The following LAMA2 variants were observed in gnomAD, a reference collection of about 807,000 sequenced individuals.
LAMA2 encodes the protein laminin subunit alpha 2, also known as laminin subunit alpha-2.
LAMA2 carries 269 observed loss-of-function variants against 364.8 expected under a neutral mutation model. The ratio of observed to expected loss-of-function variants is 0.74; its 90% CI spans 0.67 to 0.82. The LOEUF (loss-of-function observed/expected upper bound fraction) is 0.82, where lower values mean the gene tolerates loss of function less well. LAMA2 is among the 40% of genes least tolerant of loss of function. LAMA2 has a pLI of 0.00. For missense variants in LAMA2, 3,807 were observed against 3,873.2 expected (o/e 0.98, Z 0.45); for synonymous variants, 1,379 against 1,370.6 (o/e 1.01, Z -0.14).
intron 30 of LAMA2, among the ~76,000 whole-genome samples, chr6:129,348,877 A>G (rs1168996863): frequency 6.6e-6 from 1 of 152,196 alleles, no homozygotes; most frequent in Admixed American, 6.5e-5. Flanking sequence ...AAAAAAATTT[A>G]TATAGATTTT....
At chr6:129,185,442 G>C (rs199976097) in intron 10 of LAMA2, among the ~76,000 whole-genome samples, 1 of 151,804 alleles carries the variant, frequency 6.6e-6, no homozygotes, top group Non-Finnish European at 1.5e-5. Context: ...AGAAAAAAAA[G>C]ACAGCCATGA....
chr6:129,357,528 A>G (rs1777215792), intron 32 of LAMA2, among the ~76,000 whole-genome samples: 1 of 152,028 alleles, frequency 6.6e-6, no homozygotes, highest in Admixed American at 6.6e-5. Context: ...TTAAAATAAA[A>G]CATACACTTT....
In LAMA2 at chr6:129,401,354, A is replaced by T; in HGVS notation, c.5562+14A>T. 3 of 1,462,388 alleles carry T rather than the reference A, an allele frequency of 2.1e-6. No individual in the cohort carries two copies. Among genetic ancestry groups the T allele is most frequent in the Non-Finnish European group, 2.9e-6 (3 of 1,042,626 alleles). The allele number at this position is 1,462,388 out of a possible 1,614,324, so 90.6% of individuals were successfully genotyped here. A position where few individuals can be genotyped will look rare whatever the true frequency, so the allele number is the denominator to read the frequency against. On this transcript the variant is annotated intron_variant, in intron 38 of 64. Transcript: ENST00000421865. Reference sequence around the variant, plus strand: ...TCCATCATAGACGTGAGTATTGGGTAAAACTCAAAAGAGAGATGATAATGA... The same window carrying T: ...TCCATCATAGACGTGAGTATTGGGTTAAACTCAAAAGAGAGATGATAATGA...
intron 1 of LAMA2, among the ~76,000 whole-genome samples, chr6:128,896,598 T>G (rs545754884): frequency 6.6e-6 from 1 of 152,324 alleles, no homozygotes; most frequent in Non-Finnish European, 1.5e-5. Context: ...AAAATATTTT[T>G]CATTCAACTT....
chr6:129,307,263 A>C (rs1773933542), intron 22 of LAMA2, among the ~76,000 whole-genome samples: 1 of 152,172 alleles, frequency 6.6e-6, no homozygotes, highest in South Asian at 2.1e-4. Context: ...TGTTGAAAAT[A>C]TGGCTTATTC....
intron 61 of LAMA2, 133 bp from the exon 62 acceptor site, chr6:129,507,356 G>C (rs1786173693): frequency 2.2e-6 from 2 of 914,670 alleles, no homozygotes; most frequent in African/African-American, 1.6e-5. Context: ...AACCCAGGCA[G>C]CTTTGGGGGA....
intron 12 of LAMA2, among the ~76,000 whole-genome samples, chr6:129,207,346 C>T (rs1227079372): frequency 1.3e-5 from 2 of 150,588 alleles, no homozygotes; most frequent in Non-Finnish European, 3.0e-5. Flanking sequence ...ATTTCTCATT[C>T]TTGTGAGTAA....
chr6:129,196,923 A>T (rs1364580012), intron 12 of LAMA2, among the ~76,000 whole-genome samples: 1 of 152,176 alleles, frequency 6.6e-6, no homozygotes, highest in Non-Finnish European at 1.5e-5. Context: ...GGCCAAGGGA[A>T]TCCCAAAGAA....
intron 47 of LAMA2, among the ~76,000 whole-genome samples, chr6:129,454,607 T>C (rs1782861725): frequency 6.6e-6 from 1 of 152,160 alleles, no homozygotes; most frequent in Non-Finnish European, 1.5e-5. Flanking sequence ...TCTTATGCAA[T>C]ACAAGCCAAA....
chr6:128,974,131 T>C (rs142188007), intron 1 of LAMA2, among the ~76,000 whole-genome samples: 266 of 152,340 alleles, frequency 1.7e-3, no homozygotes, highest in African/African-American at 6.1e-3. Flanking sequence ...GTATGCTAGT[T>C]GGCCTTAGAG....
At chr6:129,477,609 G>A (rs1316935320) in intron 53 of LAMA2, among the ~76,000 whole-genome samples, 5 of 152,066 alleles carry the variant, frequency 3.3e-5, no homozygotes, top group African/African-American at 9.7e-5. Context: ...ATTTTATGAA[G>A]TAGTATGCAA....
chr6:129,063,589 T>C (rs999390648), intron 3 of LAMA2, among the ~76,000 whole-genome samples: 1 of 152,122 alleles, frequency 6.6e-6, no homozygotes, highest in Non-Finnish European at 1.5e-5. Flanking sequence ...GGAATGCCAT[T>C]AATTAGTTAA....
chr6:129,258,096 A>T (rs1381480514), intron 14 of LAMA2, among the ~76,000 whole-genome samples: 1 of 152,102 alleles, frequency 6.6e-6, no homozygotes, highest in African/African-American at 2.4e-5. Flanking sequence ...ATGAACATGT[A>T]TGGAGATGAT....
intron 50 of LAMA2, among the ~76,000 whole-genome samples, chr6:129,464,941 T>C (rs1434820020): frequency 6.6e-6 from 1 of 152,018 alleles, no homozygotes; most frequent in African/African-American, 2.4e-5. Context: ...GAAATTTTGT[T>C]GTGACCATGT....
Position 129,366,206 on chromosome 6 carries a change from TTC to T in LAMA2, c.4718-9_4718-8del. On this transcript the variant is annotated splice_polypyrimidine_tract_variant and intron_variant, in intron 32 of 64. Coordinates refer to ENST00000421865, the MANE Select transcript of LAMA2 (RefSeq NM_000426.4). ...AGCAGAAGTAACTACTCTTTGTCAC[TTC>T]TCTTTCACAGTTTGTGGAGATGAGT... 1 of 1,613,900 alleles carries T rather than the reference TTC, an allele frequency of 6.2e-7. No individual in the cohort carries two copies. The highest frequency in any genetic ancestry group is 1.3e-5 in the African/African-American group (1 of 74,998).
At position 129,300,833 on chromosome 6, in the gene LAMA2, A is replaced by G; in HGVS notation, c.3135A>G (p.Ala1045=). 6.2e-7 allele frequency: 1 copy of G among 1,613,780 alleles called. No individual in the cohort carries two copies. The highest frequency in any genetic ancestry group is 1.1e-5 in the South Asian group (1 of 91,074). ...TTGGAGAGAAATGTTCTAAATGTGC[A>G]CCCAATACCTGGGGCCACAGCATTA... ...NTIGEKCSKC[A]PNTWGHSITT... is the part of the protein sequence containing the mutation. The change falls in exon 22 of 65, where the codon GCA becomes GCG. Residue 1045 remains alanine (A), a synonymous_variant. Transcript: ENST00000421865.
intron 12 of LAMA2, among the ~76,000 whole-genome samples, chr6:129,223,384 T>G (rs1035124233): frequency 1.4e-4 from 22 of 152,356 alleles, no homozygotes; most frequent in African/African-American, 5.3e-4. Context: ...TTGTTGCCCT[T>G]GCTTTTCGTG....
Position 129,487,466 on chromosome 6 carries a change from A to G in LAMA2, c.7898+844A>G, listed in dbSNP as rs150874586. 3.1e-3 allele frequency among the ~76,000 whole-genome samples: 466 copies of G among 152,328 alleles called. 1 individual carries two copies. Among genetic ancestry groups the G allele is most frequent in the Non-Finnish European group, 5.7e-3 (389 of 68,026 alleles). On this transcript the variant is annotated intron_variant, in intron 56 of 64. Transcript: ENST00000421865. The stretch of plus-strand genomic sequence containing the variant: ...GTTCAGACCTCCAAGCCAGCAATCC[A>G]TTTATCAGACTGAAGACATAGAAAA...
At chr6:129,040,510 T>C (rs759021387) in intron 1 of LAMA2, among the ~76,000 whole-genome samples, 2 of 152,094 alleles carry the variant, frequency 1.3e-5, no homozygotes, top group Non-Finnish European at 2.9e-5. Context: ...GCACCTGTAG[T>C]TCTAGCTACT....
Sources: allele counts gnomAD v4.1 joint callset (sites outside exome capture counted in the v4.1 genomes callset), GRCh38; gene constraint gnomAD v4.1.1; transcripts MANE v1.5; gene names NCBI Gene and HGNC (gene_info 2026-07-23, HGNC 2026-07-21).